Variants in GLDN observed in about 807,000 individuals in gnomAD.
GLDN encodes gliomedin, also known as collomin.
GLDN carries 47 observed loss-of-function variants against 56.5 expected under a neutral mutation model. That is an observed-to-expected ratio of 0.83 (90% confidence interval 0.66 to 1.06). GLDN has a LOEUF of 1.06. Among genes scored for constraint, GLDN ranks in the 50% least tolerant of loss-of-function variants. The pLI is 0.00. For synonymous variants in GLDN, 332 were observed against 278.8 expected, an observed-to-expected ratio of 1.19 and a Z score of -1.90; for missense variants, 782 against 714.3, an observed-to-expected ratio of 1.09 and a Z score of -1.08.
At chr15:51,402,258 A>T (rs539256033) in intron 9 of GLDN, among the ~76,000 whole-genome samples, 1 of 152,208 alleles carries the variant, frequency 6.6e-6, no homozygotes, top group South Asian at 2.1e-4. Context: ...CCCATAGGGA[A>T]GGGAGGAGGG....
At chr15:51,382,060 C>T (rs1157091658) in intron 2 of GLDN, among the ~76,000 whole-genome samples, 1 of 152,168 alleles carries the variant, frequency 6.6e-6, no homozygotes, top group East Asian at 1.9e-4. Flanking sequence ...CCTCTAACTT[C>T]CTCCCACCCT....
At chr15:51,350,357 G>C (rs1033122574) in intron 1 of GLDN, among the ~76,000 whole-genome samples, 2 of 152,176 alleles carry the variant, frequency 1.3e-5, no homozygotes, top group African/African-American at 4.8e-5. Flanking sequence ...TGAGGGGTTG[G>C]GGGAGCTGAT....
intron 1 of GLDN, chr15:51,367,289 A>G (rs547092151): frequency 5.9e-5 from 9 of 152,370 alleles, no homozygotes; most frequent in African/African-American, 2.2e-4. Context: ...GTTTTTCTCC[A>G]AAGCCCTGAT....
At chr15:51,410,029 C>T (rs1445247841), downstream of GLDN, among the ~76,000 whole-genome samples, 3 of 152,176 alleles carry the variant, frequency 2.0e-5, no homozygotes, top group Non-Finnish European at 4.4e-5. Flanking sequence ...CCAAGTCCAG[C>T]ACTACTTGTT....
chr15:51,401,712 T>A lies in GLDN; in HGVS notation c.1147T>A (p.Tyr383Asn), dbSNP rs2038255614. Residue 383 changes from tyrosine to asparagine, a missense_variant, in exon 9 of 10, where the codon TAC becomes AAC. Coordinates refer to ENST00000335449, the MANE Select transcript of GLDN (RefSeq NM_181789.4). ...CGTTGTTTACAACAACTCTCTCTAC[T>A]ACCACAAAGGGGGTTCTAATACCCT... ...GHVVYNNSLY[Y>N]HKGGSNTLVR... The A allele has an allele frequency of 6.2e-7, 1 of 1,614,074 alleles. No homozygotes were observed. Among genetic ancestry groups the A allele is most frequent in the Non-Finnish European group, 8.5e-7 (1 of 1,179,996 alleles).
At chr15:51,378,929 C>T (rs1354835791) in intron 2 of GLDN, among the ~76,000 whole-genome samples, 1 of 152,106 alleles carries the variant, frequency 6.6e-6, no homozygotes, top group Non-Finnish European at 1.5e-5. Context: ...TAAGAGGATG[C>T]CTGGCAGGAA....
chr15:51,369,699 G>A (rs545818430), intron 1 of GLDN, among the ~76,000 whole-genome samples: 1 of 152,298 alleles, frequency 6.6e-6, no homozygotes, highest in South Asian at 2.1e-4. Context: ...CCTACACACA[G>A]AAATTGGCAC....
At chr15:51,397,334 TCCTC>T (rs1212330928) in intron 5 of GLDN, 132 bp from the exon 6 acceptor site, 51 of 213,916 alleles carry the variant, frequency 2.4e-4, no homozygotes, top group Non-Finnish European at 3.0e-4. Flanking sequence ...CTTTCTCTGT[TCCTC>T]CCTCCCTCCC....
chr15:51,353,607 A>G (rs937363018), intron 1 of GLDN, among the ~76,000 whole-genome samples: 4 of 151,780 alleles, frequency 2.6e-5, no homozygotes, highest in African/African-American at 4.8e-5. Context: ...AGTGGAAGGT[A>G]GAGCAAAAAC....
intron 1 of GLDN, among the ~76,000 whole-genome samples, chr15:51,355,521 CTTTCT>C (rs1314162991): frequency 1.4e-3 from 195 of 142,972 alleles, no homozygotes; most frequent in Admixed American, 3.7e-3. Context: ...CTTTTTCTTT[CTTTCT>C]TTTTTTTTTT....
rs1295108962 is a variant in GLDN, at chr15:51,383,818, A to G, written c.467A>G (p.Asn156Ser). The change falls in exon 4 of 10, where the codon AAC becomes AGC. Residue 156 changes from asparagine (N) to serine (S), a missense_variant. Asn to Ser is a conservative substitution (Grantham distance 46, BLOSUM62 1). Coordinates refer to ENST00000335449, the MANE Select transcript of GLDN (RefSeq NM_181789.4). ...GGAGCCGGCGGGTTGCCAGGACACA[A>G]CGGATTGGATGGACAGCCTGGTCCT... ...PPGAGGLPGH[N>S]GLDGQPGPQG... 4 of 1,613,738 alleles carry G rather than the reference A, an allele frequency of 2.5e-6. No homozygotes were observed. Among genetic ancestry groups the G allele is most frequent in the South Asian group, 1.1e-5 (1 of 90,906 alleles).
chr15:51,370,157 C>G (rs2037486746), intron 1 of GLDN, among the ~76,000 whole-genome samples: 1 of 152,118 alleles, frequency 6.6e-6, no homozygotes, highest in South Asian at 2.1e-4. Context: ...GGGAAATAGT[C>G]TCAGCTCTGG....
intron 1 of GLDN, among the ~76,000 whole-genome samples, chr15:51,349,627 G>C (rs1012328203): frequency 3.3e-5 from 5 of 152,188 alleles, no homozygotes; most frequent in African/African-American, 1.2e-4. Flanking sequence ...TTGAATAGTT[G>C]CAGCAGAGAC....
At chr15:51,351,052 C>G in intron 1 of GLDN, 1 of 224,822 alleles carries the variant, frequency 4.4e-6, no homozygotes, top group Non-Finnish European at 9.1e-6. Flanking sequence ...TTTAAGTGAA[C>G]GTAAACTCAA....
At chr15:51,396,721 G>C (rs1215911480) in intron 5 of GLDN, among the ~76,000 whole-genome samples, 1 of 152,096 alleles carries the variant, frequency 6.6e-6, no homozygotes, top group African/African-American at 2.4e-5. Context: ...TAATGACCCT[G>C]AATCAGTTGC....
downstream of GLDN, among the ~76,000 whole-genome samples, chr15:51,410,422 C>T (rs1166716319): frequency 2.0e-5 from 3 of 152,144 alleles, no homozygotes; most frequent in Non-Finnish European, 2.9e-5. Flanking sequence ...AATGACTGAT[C>T]GGTGTGAGAG....
At chr15:51,412,081 C>T (rs2038471124), downstream of GLDN, among the ~76,000 whole-genome samples, 2 of 152,206 alleles carry the variant, frequency 1.3e-5, no homozygotes, top group Admixed American at 1.3e-4. Flanking sequence ...AGGCACCATG[C>T]TAAATGCTTC....
At chr15:51,409,488 C>A (rs906055459), downstream of GLDN, among the ~76,000 whole-genome samples, 1 of 152,004 alleles carries the variant, frequency 6.6e-6, no homozygotes, top group Non-Finnish European at 1.5e-5. Flanking sequence ...CTTTCAGTCC[C>A]GCTACTGTTT....
chr15:51,386,390 T>G (rs2078605), intron 4 of GLDN, among the ~76,000 whole-genome samples: 3,699 of 152,274 alleles, frequency 0.024, 154 homozygotes, highest in African/African-American at 0.086. Context: ...TTCACACTGC[T>G]GAGGCCCCGA....
Sources: allele counts gnomAD v4.1 joint callset (sites outside exome capture counted in the v4.1 genomes callset), GRCh38; gene constraint gnomAD v4.1.1; transcripts MANE v1.5; gene names NCBI Gene and HGNC (gene_info 2026-07-23, HGNC 2026-07-21).